The following HIBADH variants were observed in gnomAD, a reference collection of about 807,000 sequenced individuals.
HIBADH encodes the protein 3-hydroxyisobutyrate dehydrogenase, mitochondrial.
A neutral mutation model predicts 36.1 loss-of-function variants in HIBADH; 25 were observed. That is an observed-to-expected ratio of 0.69 (90% CI 0.50 to 0.97). The LOEUF (loss-of-function observed/expected upper bound fraction) is 0.97. HIBADH is among the 50% of genes least tolerant of loss of function. The pLI is 0.00. For missense variants in HIBADH, 421 were observed against 418.0 expected (o/e 1.01, Z -0.06); for synonymous variants, 160 against 149.5 (o/e 1.07, Z -0.51).
At position 27,639,722 on chromosome 7, in the gene HIBADH, TTTG is replaced by T. The variant is rs531213311; in HGVS notation, c.253-7280_253-7278del. On this transcript the variant is annotated intron_variant, in intron 2 of 7. Coordinates refer to ENST00000265395, the MANE Select transcript of HIBADH (RefSeq NM_152740.4). ...TATATAATAAAAACTTCCCTCTGAT[TTTG>T]TTTTTAAATTAAAAAAAATAAAGGG... Among the ~76,000 whole-genome samples, 13 of 150,622 alleles carry T rather than the reference TTTG, an allele frequency of 8.6e-5. No individual in the cohort carries two copies. The South Asian group carries it at 2.3e-3, about 27-fold the overall frequency.
chr7:27,541,712 T>G, intron 5 of HIBADH: 1 of 422,526 alleles, frequency 2.4e-6, no homozygotes, highest in Non-Finnish European at 4.7e-6. Context: ...CTAGTGGCAC[T>G]TTGTATGGGT....
Position 27,595,033 on chromosome 7 carries a change from T to C in HIBADH, c.484+34338A>G, listed in dbSNP as rs183188182. Among the ~76,000 whole-genome samples, 794 of 152,248 alleles carry C rather than the reference T, an allele frequency of 5.2e-3. 4 individuals are homozygous for C. The highest frequency in any genetic ancestry group is 6.9e-3 in the Non-Finnish European group (468 of 67,998). ...TTTCTTTTTAATTTTACAAACTTAG[T>C]GACAGTAAACCTTTTCTGGATAGGA... is the stretch of plus-strand genomic sequence containing the variant. On this transcript the variant is annotated intron_variant, in intron 4 of 7. Transcript: ENST00000265395.
chr7:27,656,013 T>C (rs983158040), intron 1 of HIBADH, among the ~76,000 whole-genome samples: 5 of 152,184 alleles, frequency 3.3e-5, no homozygotes, highest in Admixed American at 1.3e-4. Context: ...CTCTTTGACC[T>C]AGCAATTCCA....
chr7:27,582,715 G>GCTCCC (rs1268202529), intron 4 of HIBADH, among the ~76,000 whole-genome samples: 1 of 152,138 alleles, frequency 6.6e-6, no homozygotes, highest in Non-Finnish European at 1.5e-5. Flanking sequence ...TGGTTTCCCA[G>GCTCCC]AGTAAGAAGC....
intron 4 of HIBADH, among the ~76,000 whole-genome samples, chr7:27,573,401 G>A (rs963731530): frequency 1.3e-5 from 2 of 152,056 alleles, no homozygotes; most frequent in African/African-American, 4.8e-5. Context: ...GGCAATTACC[G>A]ATCCATACTG....
intron 3 of HIBADH, among the ~76,000 whole-genome samples, chr7:27,629,770 C>T (rs1404015920): frequency 6.6e-6 from 1 of 152,096 alleles, no homozygotes; most frequent in Non-Finnish European, 1.5e-5. Context: ...AGATGAACTA[C>T]ACACTAACCA....
At chr7:27,622,365 A>C (rs1785560971) in intron 4 of HIBADH, among the ~76,000 whole-genome samples, 1 of 152,212 alleles carries the variant, frequency 6.6e-6, no homozygotes, top group Admixed American at 6.5e-5. Context: ...CTAAGAGAGA[A>C]GTTTATAGCA....
At chr7:27,557,693 C>T (rs1784413216) in intron 4 of HIBADH, among the ~76,000 whole-genome samples, 1 of 152,110 alleles carries the variant, frequency 6.6e-6, no homozygotes. Context: ...AACAAAATCC[C>T]TCCATTAAGC....
At chr7:27,571,988 C>T (rs10951171) in intron 4 of HIBADH, among the ~76,000 whole-genome samples, 115,996 of 152,116 alleles carry the variant, frequency 0.76, 44,723 homozygotes, top group East Asian at 0.94. Context: ...AGCAGGCTTA[C>T]GATCCATAGA....
At chr7:27,632,530 T>A (rs1290479770) in intron 2 of HIBADH, 85 bp from the exon 3 acceptor site, 1 of 799,230 alleles carries the variant, frequency 1.3e-6, no homozygotes, top group Non-Finnish European at 2.2e-6. Flanking sequence ...TTTTCATGCA[T>A]GCCTATAACA....
intron 4 of HIBADH, among the ~76,000 whole-genome samples, chr7:27,619,182 A>G (rs12164139): frequency 0.43 from 65,668 of 152,072 alleles, 15,045 homozygotes; most frequent in East Asian, 0.94. Flanking sequence ...CTCCAAGGAA[A>G]TAACAGATAC....
chr7:27,578,050 G>A (rs1017726597), intron 4 of HIBADH, among the ~76,000 whole-genome samples: 18 of 152,106 alleles, frequency 1.2e-4, no homozygotes, highest in African/African-American at 4.3e-4. Flanking sequence ...AGCATCCATT[G>A]TTCATTAGAA....
chr7:27,609,875 T>C (rs944093054), intron 4 of HIBADH, among the ~76,000 whole-genome samples: 7 of 152,112 alleles, frequency 4.6e-5, no homozygotes, highest in Admixed American at 3.3e-4. Flanking sequence ...TGGAGTAGAC[T>C]GTGCAATCTT....
intron 4 of HIBADH, among the ~76,000 whole-genome samples, chr7:27,615,905 C>T (rs1190401164): frequency 3.3e-5 from 5 of 152,122 alleles, no homozygotes; most frequent in Non-Finnish European, 7.4e-5. Flanking sequence ...CCCCTGAAGA[C>T]CTTTCCAGTG....
intron 5 of HIBADH, among the ~76,000 whole-genome samples, chr7:27,541,231 G>T (rs1232870195): frequency 6.6e-6 from 1 of 150,890 alleles, no homozygotes; most frequent in Non-Finnish European, 1.5e-5. Flanking sequence ...TCTTAATGGC[G>T]CCTGGGAACT....
intron 4 of HIBADH, among the ~76,000 whole-genome samples, chr7:27,615,043 T>A (rs1353287135): frequency 6.6e-6 from 1 of 152,142 alleles, no homozygotes; most frequent in East Asian, 1.9e-4. Context: ...AACAGAAATG[T>A]TAAGATTATA....
chr7:27,648,408 G>C (rs1273818850), intron 2 of HIBADH, among the ~76,000 whole-genome samples: 1 of 152,168 alleles, frequency 6.6e-6, no homozygotes, highest in Non-Finnish European at 1.5e-5. Flanking sequence ...AAAAACCATG[G>C]AAAGGAAAAA....
At chr7:27,613,434 T>G (rs1200604737) in intron 4 of HIBADH, among the ~76,000 whole-genome samples, 11 of 150,996 alleles carry the variant, frequency 7.3e-5, no homozygotes, top group African/African-American at 1.2e-4. Context: ...TTATATGAAC[T>G]AATTCCCTTT....
intron 1 of HIBADH, among the ~76,000 whole-genome samples, chr7:27,655,593 CAG>C (rs201909460): frequency 0.034 from 5,188 of 152,090 alleles, 113 homozygotes; most frequent in South Asian, 0.093. Flanking sequence ...ATATCACAAA[CAG>C]ATAAAATACA....
Sources: allele counts gnomAD v4.1 joint callset (sites outside exome capture counted in the v4.1 genomes callset), GRCh38; gene constraint gnomAD v4.1.1; transcripts MANE v1.5; gene names NCBI Gene and HGNC (gene_info 2026-07-23, HGNC 2026-07-21).